Variants in ATP2C2 observed in about 807,000 individuals in gnomAD.
ATP2C2 encodes the protein ATPase secretory pathway Ca2+ transporting 2, also known as calcium-transporting ATPase type 2C member 2.
ATP2C2 carries 171 observed loss-of-function variants against 110.8 expected under a neutral mutation model. The ratio of observed to expected loss-of-function variants is 1.54; its 90% confidence interval spans 1.36 to 1.75. The LOEUF (loss-of-function observed/expected upper bound fraction) is 1.75. Among genes scored for constraint, ATP2C2 ranks in the 40% most tolerant of loss-of-function variants. The pLI is 0.00. For missense variants in ATP2C2, 1,963 were observed against 1,235.0 expected (o/e 1.59, Z -8.84); for synonymous variants, 804 against 508.4 (o/e 1.58, Z -7.82).
intron 11 of ATP2C2, among the ~76,000 whole-genome samples, chr16:84,434,146 G>C (rs565869361): frequency 6.6e-6 from 1 of 152,046 alleles, no homozygotes; most frequent in South Asian, 2.1e-4. Context: ...GGTCGGGCAC[G>C]GTGGCTCATG....
chr16:84,397,667 A>AAAAAAAAAAAAAAAAAAAAAAAAAAAAAC (rs1421517513), intron 1 of ATP2C2, among the ~76,000 whole-genome samples: 1 of 147,606 alleles, frequency 6.8e-6, no homozygotes, highest in Non-Finnish European at 1.5e-5. Flanking sequence ...AAAAAAAAAA[A>AAAAAAAAAAAAAAAAAAAAAAAAAAAAAC]AAAAAACTTG....
chr16:84,392,067 T>C (rs1904697798), intron 1 of ATP2C2, among the ~76,000 whole-genome samples: 1 of 152,174 alleles, frequency 6.6e-6, no homozygotes, highest in Non-Finnish European at 1.5e-5. Context: ...TAATTTTGTA[T>C]TTTGTATTGG....
In ATP2C2 at chr16:84,464,039, T is replaced by C; in HGVS notation, c.*307T>C. ...TACGTATCTGTGCCACAGCTTGCAG[T>C]GAGGCAGGCCACTCGTGGCAGATAC... On this transcript the variant is annotated 3_prime_UTR_variant, in exon 27 of 27. Coordinates refer to ENST00000262429, the MANE Select transcript of ATP2C2 (RefSeq NM_014861.4). 1 of 236,972 alleles carries C rather than the reference T, an allele frequency of 4.2e-6. No homozygotes were observed. The highest frequency in any genetic ancestry group is 8.2e-6 in the Non-Finnish European group (1 of 121,924). 14.7% of individuals were successfully genotyped at this position (236,972 alleles called of 1,614,324 possible).
intron 7 of ATP2C2, among the ~76,000 whole-genome samples, chr16:84,417,780 T>C (rs1906970549): frequency 6.6e-6 from 1 of 152,262 alleles, no homozygotes; most frequent in African/African-American, 2.4e-5. Flanking sequence ...TTAAGGCTAC[T>C]GGCTGTGAAC....
At chr16:84,454,171 TG>T (rs1910576834) in intron 20 of ATP2C2, among the ~76,000 whole-genome samples, 1 of 152,088 alleles carries the variant, frequency 6.6e-6, no homozygotes, top group African/African-American at 2.4e-5. Flanking sequence ...ATCTGTAAAA[TG>T]GGGGAACTAT....
Position 84,452,058 on chromosome 16 carries a change from AC to A in ATP2C2, c.1799del (p.Thr600ArgfsTer11). 1 of 1,613,750 alleles carries A rather than the reference AC, an allele frequency of 6.2e-7. No individual in the cohort carries two copies. Among genetic ancestry groups the A allele is most frequent in the Non-Finnish European group, 8.5e-7 (1 of 1,179,974 alleles). The stretch of plus-strand genomic sequence containing the variant: ...GTCTGGTGTGTCTGTGAAGATGATA[AC>A]GGGGGATGCCCTGGAGACGGCCTTG... ...SESGVSVKMI[T>X]GDALETALAI... On this transcript the variant is annotated frameshift_variant, in exon 18 of 27. Transcript: ENST00000262429. LOFTEE classifies it high-confidence loss of function.
intron 1 of ATP2C2, among the ~76,000 whole-genome samples, chr16:84,371,226 A>T (rs950290809): frequency 6.6e-6 from 1 of 152,200 alleles, no homozygotes; most frequent in African/African-American, 2.4e-5. Context: ...ATGGAAAGAA[A>T]GGTGTTTGAG....
chr16:84,439,361 G>A (rs911707967), intron 12 of ATP2C2, 66 bp from the exon 13 acceptor site: 19 of 1,612,440 alleles, frequency 1.2e-5, no homozygotes, highest in Non-Finnish European at 1.4e-5. Flanking sequence ...GGGCAATCCA[G>A]CCTGGGGGTT....
chr16:84,410,781 C>T lies in ATP2C2; in HGVS notation c.515+16C>T. On this transcript the variant is annotated intron_variant, in intron 6 of 26. Coordinates refer to ENST00000262429, the MANE Select transcript of ATP2C2 (RefSeq NM_014861.4). ...AATGTAACTGGTAAGTCAGAGCCTCCCTGGGACTTTTTGGTTCACTGGAGG... is the reference window on the plus strand; with the variant it reads ...AATGTAACTGGTAAGTCAGAGCCTCTCTGGGACTTTTTGGTTCACTGGAGG... 1 of 1,612,562 alleles carries T rather than the reference C, an allele frequency of 6.2e-7. No homozygotes were observed. Among genetic ancestry groups the T allele is most frequent in the Non-Finnish European group, 8.5e-7 (1 of 1,178,690 alleles).
chr16:84,460,835 C>T (rs758271256), intron 24 of ATP2C2, 34 bp downstream of exon 24: 2 of 1,589,628 alleles, frequency 1.3e-6, no homozygotes, highest in Admixed American at 1.7e-5. Flanking sequence ...GTTCTCCAAG[C>T]CCTGGTGCGG....
chr16:84,410,764 T>A lies in ATP2C2; in HGVS notation c.514T>A (p.Cys172Ser). The change falls in exon 6 of 27, where the codon TGC (cysteine) becomes AGC (serine). Residue 172 changes from cysteine (C) to serine (S), a missense_variant and splice_region_variant. Physicochemically the swap from Cys to Ser is moderately radical, Grantham distance 112 (BLOSUM62 -1). Transcript: ENST00000262429. ...CAAGCTGGTTCCTCCAGAATGTAAC[T>A]GGTAAGTCAGAGCCTCCCTGGGACT... ...LTKLVPPECN[C>S]LREGKLQHLL... 1 of 1,613,930 alleles carries A rather than the reference T, an allele frequency of 6.2e-7. No individual in the cohort carries two copies. Among genetic ancestry groups the A allele is most frequent in the African/African-American group, 1.3e-5 (1 of 75,036 alleles).
chr16:84,400,166 G>A (rs1459365619), intron 2 of ATP2C2, among the ~76,000 whole-genome samples: 1 of 152,068 alleles, frequency 6.6e-6, no homozygotes, highest in Non-Finnish European at 1.5e-5. Context: ...TCATTTGTCT[G>A]TTGATGGATA....
chr16:84,412,956 G>T (rs1188058472), intron 6 of ATP2C2, among the ~76,000 whole-genome samples: 1 of 152,008 alleles, frequency 6.6e-6, no homozygotes, highest in East Asian at 1.9e-4. Context: ...AAAATTAGCT[G>T]GGCATGGTGG....
At chr16:84,380,166 G>A (rs956283938) in intron 1 of ATP2C2, among the ~76,000 whole-genome samples, 1 of 152,118 alleles carries the variant, frequency 6.6e-6, no homozygotes, top group Non-Finnish European at 1.5e-5. Context: ...CCCAGGGAAA[G>A]TCTATAAATA....
intron 1 of ATP2C2, among the ~76,000 whole-genome samples, chr16:84,372,404 G>C (rs1264513008): frequency 2.0e-5 from 3 of 152,152 alleles, no homozygotes; most frequent in Non-Finnish European, 4.4e-5. Flanking sequence ...CAACATGTGG[G>C]CATCTTCTTA....
At chr16:84,448,407 A>C in intron 16 of ATP2C2, 126 bp from the exon 17 acceptor site, 1 of 1,210,256 alleles carries the variant, frequency 8.3e-7, no homozygotes, top group Non-Finnish European at 1.1e-6. Context: ...GCACCAGCCT[A>C]TGATAAATAA....
At chr16:84,386,561 A>T (rs1002396878) in intron 1 of ATP2C2, among the ~76,000 whole-genome samples, 1 of 152,134 alleles carries the variant, frequency 6.6e-6, no homozygotes, top group Non-Finnish European at 1.5e-5. Context: ...TTCATGCTCC[A>T]AGTATCTCAC....
In ATP2C2 at chr16:84,451,924, T is replaced by G; in HGVS notation, c.1664T>G (p.Leu555Arg). Residue 555 changes from leucine to arginine, a missense_variant, in exon 18 of 27, where the codon CTG becomes CGG. By Grantham distance (102) the Leu-to-Arg change is moderately radical. Coordinates refer to ENST00000262429, the MANE Select transcript of ATP2C2 (RefSeq NM_014861.4). Reference protein sequence around the residue: ...KRMGSLGLRVLALASGPELGR... With the variant: ...KRMGSLGLRVRALASGPELGR... ...CTTACTCCCCCTCTCTCCTCAGTGC[T>G]GGCCCTGGCTTCTGGGCCCGAGCTG... 6.2e-7 allele frequency: 1 copy of G among 1,613,974 alleles called. No individual in the cohort carries two copies. Among genetic ancestry groups the G allele is most frequent in the Non-Finnish European group, 8.5e-7 (1 of 1,179,972 alleles).
intron 15 of ATP2C2, among the ~76,000 whole-genome samples, chr16:84,444,034 G>A (rs1044971848): frequency 7.9e-5 from 12 of 151,808 alleles, no homozygotes; most frequent in African/African-American, 2.7e-4. Flanking sequence ...GGGCATGGTG[G>A]TGCATGCCTG....
Sources: allele counts gnomAD v4.1 joint callset (sites outside exome capture counted in the v4.1 genomes callset), GRCh38; gene constraint gnomAD v4.1.1; transcripts MANE v1.5; gene names NCBI Gene and HGNC (gene_info 2026-07-23, HGNC 2026-07-21).